GALNTL6: variants seen among roughly 807,000 people sequenced by gnomAD.
GALNTL6 encodes polypeptide N-acetylgalactosaminyltransferase-like 6.
GALNTL6 carries 46 observed loss-of-function variants against 73.7 expected under a neutral mutation model. The observed-to-expected ratio is 0.62, with a 90% CI of 0.49 to 0.80. GALNTL6 has a LOEUF of 0.80. Among genes scored for constraint, GALNTL6 ranks in the 30% least tolerant of loss-of-function variants. GALNTL6 has a pLI of 0.00. For synonymous variants in GALNTL6, 259 were observed against 263.7 expected, an observed-to-expected ratio of 0.98 and a Z score of 0.17; for missense variants, 604 against 755.0, an observed-to-expected ratio of 0.80 and a Z score of 2.34.
At chr4:172,233,026 C>A (rs937291249) in intron 3 of GALNTL6, among the ~76,000 whole-genome samples, 3 of 152,022 alleles carry the variant, frequency 2.0e-5, no homozygotes, top group African/African-American at 7.2e-5. Context: ...ATCCAGCAAT[C>A]ATTTTTAAAA....
chr4:172,747,827 T>TGA (rs1737193771), intron 5 of GALNTL6, among the ~76,000 whole-genome samples: 1 of 132,390 alleles, frequency 7.6e-6, no homozygotes, highest in Admixed American at 7.8e-5. Flanking sequence ...GGAATTGTGC[T>TGA]ATTCAGCTTC....
chr4:171,895,150 T>C (rs1157441765), intron 2 of GALNTL6, among the ~76,000 whole-genome samples: 1 of 152,198 alleles, frequency 6.6e-6, no homozygotes, highest in Non-Finnish European at 1.5e-5. Flanking sequence ...AAGTGACAAC[T>C]GTAAAATCTG....
chr4:172,660,001 C>G (rs1038305546), intron 5 of GALNTL6, among the ~76,000 whole-genome samples: 3 of 152,182 alleles, frequency 2.0e-5, no homozygotes, highest in Admixed American at 2.0e-4. Context: ...GACAGGAGAC[C>G]TATGTACTTC....
chr4:172,552,168 T>C (rs1735978497), intron 5 of GALNTL6, among the ~76,000 whole-genome samples: 1 of 152,266 alleles, frequency 6.6e-6, no homozygotes, highest in Non-Finnish European at 1.5e-5. Flanking sequence ...GGGAACTCAA[T>C]AGATACGTAT....
At chr4:172,224,373 T>C (rs554967272) in intron 2 of GALNTL6, among the ~76,000 whole-genome samples, 1 of 152,202 alleles carries the variant, frequency 6.6e-6, no homozygotes, top group African/African-American at 2.4e-5. Context: ...GTTTTTCTAC[T>C]ACATCATATT....
intron 2 of GALNTL6, among the ~76,000 whole-genome samples, chr4:172,133,299 C>T (rs1733549805): frequency 6.6e-6 from 1 of 152,206 alleles, no homozygotes; most frequent in Admixed American, 6.5e-5. Flanking sequence ...ATCCATAGAA[C>T]TGGTTCTGCG....
rs150125346 is a variant in GALNTL6 at position 172,520,883 on chromosome 4, TAA to T, written c.553+172197_553+172198del. Among the ~76,000 whole-genome samples the T allele has an allele frequency of 8.4e-3, 1,275 of 152,110 alleles. 10 individuals carry two copies. Among genetic ancestry groups the T allele is most frequent in the African/African-American group, 0.029 (1,208 of 41,540 alleles). ...TTCTATTTATCTATATTTACAAAAA[TAA>T]AACACACACTAAAGCAGCAAAGTTG... On this transcript the variant is annotated intron_variant, in intron 5 of 12. Transcript: ENST00000506823.
At chr4:172,522,818 T>C (rs1238993409) in intron 5 of GALNTL6, among the ~76,000 whole-genome samples, 2 of 152,208 alleles carry the variant, frequency 1.3e-5, no homozygotes, top group East Asian at 1.9e-4. Flanking sequence ...TCTTATGATA[T>C]CTAATACATA....
At chr4:172,409,559 A>G (rs892999674) in intron 5 of GALNTL6, among the ~76,000 whole-genome samples, 2 of 151,976 alleles carry the variant, frequency 1.3e-5, no homozygotes, top group Non-Finnish European at 2.9e-5. Context: ...CTGAATTTGC[A>G]TAGCTCTAAT....
intron 3 of GALNTL6, among the ~76,000 whole-genome samples, chr4:172,274,299 C>A (rs1005536676): frequency 3.9e-5 from 6 of 152,120 alleles, no homozygotes; most frequent in Admixed American, 3.3e-4. Context: ...TATGCCTAGA[C>A]TATTTAAATG....
At chr4:172,772,553 G>C (rs1365266321) in intron 5 of GALNTL6, among the ~76,000 whole-genome samples, 1 of 147,964 alleles carries the variant, frequency 6.8e-6, no homozygotes, top group Non-Finnish European at 1.5e-5. Flanking sequence ...AGAAATTTAG[G>C]GAAGTATTGT....
At chr4:172,429,578 A>G (rs895842554) in intron 5 of GALNTL6, among the ~76,000 whole-genome samples, 1 of 152,172 alleles carries the variant, frequency 6.6e-6, no homozygotes, top group African/African-American at 2.4e-5. Context: ...CATAGCAGAC[A>G]TATTCTAGGG....
intron 2 of GALNTL6, among the ~76,000 whole-genome samples, chr4:172,174,359 G>C (rs1289325626): frequency 6.6e-6 from 1 of 152,180 alleles, no homozygotes; most frequent in African/African-American, 2.4e-5. Flanking sequence ...CCTTAGTGAA[G>C]TATAGATCTT....
intron 2 of GALNTL6, among the ~76,000 whole-genome samples, chr4:172,064,026 G>C (rs1731287385): frequency 6.6e-6 from 1 of 152,054 alleles, no homozygotes; most frequent in African/African-American, 2.4e-5. Context: ...TCATTGACTA[G>C]TTTATATAAT....
At chr4:171,891,086 G>C (rs924707626) in intron 2 of GALNTL6, among the ~76,000 whole-genome samples, 4 of 152,094 alleles carry the variant, frequency 2.6e-5, no homozygotes, top group Admixed American at 2.6e-4. Context: ...CCAGTAAAAA[G>C]TGATTCCCTG....
intron 5 of GALNTL6, among the ~76,000 whole-genome samples, chr4:172,670,424 T>C (rs1731911560): frequency 6.6e-6 from 1 of 152,198 alleles, no homozygotes; most frequent in Admixed American, 6.5e-5. Context: ...TTTTTTCATA[T>C]GCATGTTGGT....
intron 5 of GALNTL6, among the ~76,000 whole-genome samples, chr4:172,394,679 G>A (rs1286056863): frequency 6.6e-6 from 1 of 151,954 alleles, no homozygotes; most frequent in Non-Finnish European, 1.5e-5. Flanking sequence ...TGATCCACCT[G>A]CCTTGACCTC....
At chr4:172,899,704 G>GTAAAGGAATAAAAGAATGGC (rs1746521288) in intron 8 of GALNTL6, among the ~76,000 whole-genome samples, 1 of 152,186 alleles carries the variant, frequency 6.6e-6, no homozygotes, top group African/African-American at 2.4e-5. Context: ...TATTAAGAAA[G>GTAAAGGAATAAAAGAATGGC]TAAAGGAATA....
intron 2 of GALNTL6, among the ~76,000 whole-genome samples, chr4:172,222,890 A>G (rs963973446): frequency 6.6e-6 from 1 of 152,026 alleles, no homozygotes; most frequent in African/African-American, 2.4e-5. Context: ...AGACTGACAT[A>G]AGCTTGGCCC....
Sources: gnomAD v4.1 joint callset for allele counts (sites outside exome capture counted in the v4.1 genomes callset) on GRCh38, gnomAD v4.1.1 for gene constraint, MANE v1.5 for transcripts, NCBI Gene and HGNC (gene_info 2026-07-23, HGNC 2026-07-21) for gene names.